VPS13B: variants seen among roughly 807,000 people sequenced by gnomAD.
VPS13B encodes the protein intermembrane lipid transfer protein VPS13B.
A neutral mutation model predicts 426.4 loss-of-function variants in VPS13B; 285 were observed. The ratio of observed to expected loss-of-function variants is 0.67; its 90% confidence interval spans 0.61 to 0.74. VPS13B has a LOEUF of 0.74. Among genes scored for constraint, VPS13B ranks in the 30% least tolerant of loss-of-function variants. The probability of loss-of-function intolerance (pLI) is 0.00; values close to 1 mark genes in which losing one functional copy is unlikely to be tolerated. For synonymous variants in VPS13B, 1,676 were observed against 1,676.4 expected (o/e 1.00, Z 0.01); for missense variants, 4,537 against 4,782.6 (o/e 0.95, Z 1.51).
rs146092684 is a variant in VPS13B, at chr8:99,778,781, G to C, written c.7529G>C (p.Arg2510Pro). Residue 2510 changes from arginine to proline, a missense_variant, in exon 42 of 62, where the codon CGA (arginine) becomes CCA (proline). Physicochemically the swap from Arg to Pro is moderately radical, Grantham distance 103 (BLOSUM62 -2). Around this residue, in one of 2 missense-constraint regions of VPS13B, gnomAD observed 4,311 missense variants for 4,474.3 expected, o/e 0.96. Transcript: ENST00000357162. ...VSFREPHMYL[R>P]QWNNGSVCQE... is the part of the protein sequence containing the mutation. ...TTCAGAGAACCACACATGTATCTTC[G>C]ACAGTGGAATAATGGTTCTGTCTGT... 6.2e-7 allele frequency: 1 copy of C among 1,613,854 alleles called. No homozygotes were observed. Among genetic ancestry groups the C allele is most frequent in the Non-Finnish European group, 8.5e-7 (1 of 1,179,890 alleles).
intron 36 of VPS13B, among the ~76,000 whole-genome samples, chr8:99,713,063 T>C (rs1164805337): frequency 6.6e-6 from 1 of 152,188 alleles, no homozygotes; most frequent in African/African-American, 2.4e-5. Context: ...ACAATATCAG[T>C]ATTTAGCACA....
chr8:99,069,732 T>C (rs771038482), intron 3 of VPS13B, among the ~76,000 whole-genome samples: 4 of 152,176 alleles, frequency 2.6e-5, no homozygotes, highest in Non-Finnish European at 4.4e-5. Flanking sequence ...AGAGAGGTTG[T>C]TATATTCAGT....
intron 8 of VPS13B, among the ~76,000 whole-genome samples, chr8:99,133,690 A>G (rs1390323409): frequency 1.3e-5 from 2 of 152,250 alleles, no homozygotes; most frequent in Non-Finnish European, 2.9e-5. Context: ...TGTCTCAGGA[A>G]ATAGGCCCAA....
At chr8:99,167,251 A>C (rs1812060913) in intron 15 of VPS13B, among the ~76,000 whole-genome samples, 1 of 152,082 alleles carries the variant, frequency 6.6e-6, no homozygotes, top group Non-Finnish European at 1.5e-5. Flanking sequence ...TATGCTGTAC[A>C]ACCCTAGTTA....
intron 31 of VPS13B, among the ~76,000 whole-genome samples, chr8:99,563,452 C>A (rs1399388340): frequency 6.6e-6 from 1 of 151,894 alleles, no homozygotes; most frequent in African/African-American, 2.4e-5. Flanking sequence ...TAGGCACAGG[C>A]ACATAAGCAA....
chr8:99,470,253 A>G (rs780014418), intron 24 of VPS13B, among the ~76,000 whole-genome samples: 9 of 152,168 alleles, frequency 5.9e-5, no homozygotes, highest in Non-Finnish European at 1.2e-4. Flanking sequence ...TATCTTTCCT[A>G]CTGATTATTC....
intron 55 of VPS13B, among the ~76,000 whole-genome samples, chr8:99,850,893 T>A (rs1816255384): frequency 6.6e-6 from 1 of 152,084 alleles, no homozygotes; most frequent in South Asian, 2.1e-4. Context: ...GCCACTGCAC[T>A]CCAGCCTGGG....
chr8:99,184,149 A>T (rs1813089223), intron 16 of VPS13B, among the ~76,000 whole-genome samples: 1 of 152,156 alleles, frequency 6.6e-6, no homozygotes, highest in Non-Finnish European at 1.5e-5. Flanking sequence ...TGTGTTGCTT[A>T]CACTTTTAAG....
intron 17 of VPS13B, among the ~76,000 whole-genome samples, chr8:99,211,714 T>C (rs544194707): frequency 1.1e-3 from 166 of 151,584 alleles, no homozygotes; most frequent in African/African-American, 3.8e-3. Context: ...GAGGCGGTGG[T>C]TGCAGTGAGC....
rs895579419 is a variant in VPS13B at position 99,529,489 on chromosome 8, T to C, written c.4745+8479T>C. Among the ~76,000 whole-genome samples, 22 of 152,246 alleles carry C rather than the reference T, an allele frequency of 1.4e-4. 1 individual carries two copies. The highest frequency in any genetic ancestry group is 5.3e-4 in the African/African-American group (22 of 41,552). ...GAGAAAATATTCATCACTATTAAAG[T>C]TCAATTAAAACTTAAAAACTCTTAT... On this transcript the variant is annotated intron_variant, in intron 30 of 61. Transcript: ENST00000357162.
chr8:99,598,795 C>A (rs917699024), intron 33 of VPS13B, among the ~76,000 whole-genome samples: 1 of 151,976 alleles, frequency 6.6e-6, no homozygotes, highest in African/African-American at 2.4e-5. Flanking sequence ...GCCCTCCCTT[C>A]CCTTCAGTCC....
intron 23 of VPS13B, among the ~76,000 whole-genome samples, chr8:99,451,056 A>G (rs1048699238): frequency 6.6e-6 from 1 of 152,222 alleles, no homozygotes; most frequent in African/African-American, 2.4e-5. Context: ...TGCAACCAGA[A>G]TAATAAATGA....
At chr8:99,021,785 A>T (rs1159749141) in intron 2 of VPS13B, among the ~76,000 whole-genome samples, 1 of 152,050 alleles carries the variant, frequency 6.6e-6, no homozygotes, top group Non-Finnish European at 1.5e-5. Flanking sequence ...AATAATTTTT[A>T]TACTTTTTGT....
At chr8:99,572,609 C>A (rs1336286880) in intron 31 of VPS13B, among the ~76,000 whole-genome samples, 1 of 152,202 alleles carries the variant, frequency 6.6e-6, no homozygotes, top group African/African-American at 2.4e-5. Flanking sequence ...CAGCTTCATC[C>A]ATGTCCCTAC....
intron 3 of VPS13B, among the ~76,000 whole-genome samples, chr8:99,061,984 A>G (rs1436299627): frequency 1.3e-5 from 2 of 152,224 alleles, no homozygotes; most frequent in Non-Finnish European, 2.9e-5. Context: ...GCTTCTGTGT[A>G]CACAAAGGTG....
intron 19 of VPS13B, among the ~76,000 whole-genome samples, chr8:99,365,250 C>G (rs1483200232): frequency 7.2e-6 from 1 of 138,020 alleles, no homozygotes; most frequent in East Asian, 2.1e-4. Flanking sequence ...TTTGTATTTT[C>G]TTCATTTCAA....
At chr8:99,825,382 G>T (rs963226187) in intron 51 of VPS13B, among the ~76,000 whole-genome samples, 1 of 152,158 alleles carries the variant, frequency 6.6e-6, no homozygotes, top group Non-Finnish European at 1.5e-5. Flanking sequence ...CTTTTGAGAA[G>T]TGTCTGTGTA....
At chr8:99,836,860 GT>G (rs2130869903) in intron 54 of VPS13B, among the ~76,000 whole-genome samples, 1 of 152,198 alleles carries the variant, frequency 6.6e-6, no homozygotes, top group East Asian at 1.9e-4. Flanking sequence ...ATACAAGTTA[GT>G]GACTATCATC....
chr8:99,407,899 T>C (rs1815418875), intron 21 of VPS13B, among the ~76,000 whole-genome samples: 1 of 152,160 alleles, frequency 6.6e-6, no homozygotes, highest in African/African-American at 2.4e-5. Flanking sequence ...TAAAAATCTT[T>C]TTGTGATCTT....
Sources: allele counts gnomAD v4.1 joint callset (sites outside exome capture counted in the v4.1 genomes callset), GRCh38; gene constraint gnomAD v4.1.1; regional missense constraint gnomAD v4.1.1; transcripts MANE v1.5; gene names NCBI Gene and HGNC (gene_info 2026-07-23, HGNC 2026-07-21).